Variants in RAVER2 observed in about 807,000 individuals in gnomAD.
RAVER2 encodes the protein ribonucleoprotein, PTB binding 2.
RAVER2 carries 46 observed loss-of-function variants against 78.1 expected under a neutral mutation model. The observed-to-expected ratio is 0.59, with a 90% CI of 0.46 to 0.75. The LOEUF is 0.75. Ranked by LOEUF, RAVER2 falls within the 30% of genes least tolerant of loss-of-function variation. RAVER2 has a pLI of 0.00. For missense variants in RAVER2, 793 were observed against 837.5 expected, an observed-to-expected ratio of 0.95 and a Z score of 0.66; for synonymous variants, 311 against 313.3, an observed-to-expected ratio of 0.99 and a Z score of 0.08.
At chr1:64,771,296 G>T (rs954245693) in intron 2 of RAVER2, among the ~76,000 whole-genome samples, 1 of 151,820 alleles carries the variant, frequency 6.6e-6, no homozygotes, top group Non-Finnish European at 1.5e-5. Context: ...AACACAACAG[G>T]TCCACATAGA....
intron 5 of RAVER2, among the ~76,000 whole-genome samples, chr1:64,793,341 T>C (rs2100857518): frequency 6.6e-6 from 1 of 152,338 alleles, no homozygotes; most frequent in Admixed American, 6.5e-5. Flanking sequence ...AAGCTCCAAC[T>C]GCTATTAGAT....
In RAVER2 at chr1:64,805,030, C is replaced by A. The variant is rs770830063; in HGVS notation, c.1336C>A (p.Gln446Lys). 3 of 1,613,994 alleles carry A rather than the reference C, an allele frequency of 1.9e-6. No homozygotes were observed. In the South Asian group the frequency reaches 3.3e-5, roughly 18 times the overall value. Reference sequence around the variant, plus strand: ...TGGAGAGCCCCCAGCTGTGGTACTTCAGACTGCACTAGGGATAGGGTCAGT... The same window carrying A: ...TGGAGAGCCCCCAGCTGTGGTACTTAAGACTGCACTAGGGATAGGGTCAGT... Residue 446 changes from glutamine to lysine, a missense_variant, in exon 8 of 12, where the codon CAG (glutamine) becomes AAG (lysine). Coordinates refer to ENST00000294428, the Ensembl canonical transcript of RAVER2.
At chr1:64,783,850 G>C (rs911967577) in intron 4 of RAVER2, among the ~76,000 whole-genome samples, 2 of 152,192 alleles carry the variant, frequency 1.3e-5, no homozygotes, top group African/African-American at 4.8e-5. Context: ...AAACTAAAGA[G>C]CTTCTGCACA....
At chr1:64,824,342 C>T (rs1451480232) in intron 11 of RAVER2, among the ~76,000 whole-genome samples, 1 of 152,152 alleles carries the variant, frequency 6.6e-6, no homozygotes, top group African/African-American at 2.4e-5. Context: ...AATGCTTGGT[C>T]CTTTCATATG....
At chr1:64,758,190 G>A (rs564328220) in intron 1 of RAVER2, among the ~76,000 whole-genome samples, 2 of 152,326 alleles carry the variant, frequency 1.3e-5, no homozygotes, top group African/African-American at 2.4e-5. Context: ...GTACATGTAA[G>A]TGTACAGTAA....
At chr1:64,776,436 C>T (rs1652467621) in intron 2 of RAVER2, among the ~76,000 whole-genome samples, 1 of 152,184 alleles carries the variant, frequency 6.6e-6, no homozygotes, top group Non-Finnish European at 1.5e-5. Flanking sequence ...TGGTGAGATG[C>T]TCTTACTCTG....
chr1:64,820,663 A>T (rs1653863622), intron 11 of RAVER2, among the ~76,000 whole-genome samples: 1 of 152,124 alleles, frequency 6.6e-6, no homozygotes, highest in Admixed American at 6.5e-5. Context: ...AACACGCGGT[A>T]TTTGGTTTTC....
At chr1:64,749,257 C>CT (rs1651628670) in intron 1 of RAVER2, among the ~76,000 whole-genome samples, 1 of 152,190 alleles carries the variant, frequency 6.6e-6, no homozygotes, top group South Asian at 2.1e-4. Flanking sequence ...GTCGCCCAGG[C>CT]TGCAGTGCAG....
chr1:64,806,498 G>A lies in RAVER2; in HGVS notation c.1412-708G>A, dbSNP rs145289090. On this transcript the variant is annotated intron_variant, in intron 8 of 11. Transcript: ENST00000294428. ...AAAACATAAAACTTTCATGTATTTA[G>A]TGCTTATCTATTAACAAATACTGAT... Among the ~76,000 whole-genome samples, 34 of 152,270 alleles carry A rather than the reference G, an allele frequency of 2.2e-4. 1 individual carries two copies. The highest frequency in any genetic ancestry group is 7.9e-4 in the African/African-American group (33 of 41,546).
chr1:64,786,567 G>A (rs1652785467), intron 4 of RAVER2, among the ~76,000 whole-genome samples: 1 of 152,108 alleles, frequency 6.6e-6, no homozygotes, highest in African/African-American at 2.4e-5. Context: ...GAGGCAGGTG[G>A]ATCACCTGAG....
Position 64,745,640 on chromosome 1 carries a change from G to C in RAVER2, c.249+219G>C, listed in dbSNP as rs1030064147. The stretch of plus-strand genomic sequence containing the variant: ...TTGGGAAACTGAGGCTCTGAGTGGC[G>C]AAGCGGCTTCTCCAAGGTCACGGGA... On this transcript the variant is annotated intron_variant, in intron 1 of 11. Coordinates refer to ENST00000294428, the Ensembl canonical transcript of RAVER2. This position sits in a 1 kb window ranked among gnomAD's most constrained non-coding sequence, Gnocchi z 4.3. Among the ~76,000 whole-genome samples, 8 of 152,150 alleles carry C rather than the reference G, an allele frequency of 5.3e-5. No homozygotes were observed. Among genetic ancestry groups the C allele is most frequent in the African/African-American group, 1.7e-4 (7 of 41,432 alleles).
At chr1:64,820,755 A>G (rs1285131391) in intron 11 of RAVER2, among the ~76,000 whole-genome samples, 1 of 152,212 alleles carries the variant, frequency 6.6e-6, no homozygotes, top group Non-Finnish European at 1.5e-5. Context: ...GTTCTTTTTT[A>G]TGGCTGCATA....
intron 2 of RAVER2, among the ~76,000 whole-genome samples, chr1:64,773,941 G>A (rs921393036): frequency 2.6e-5 from 4 of 152,164 alleles, no homozygotes; most frequent in African/African-American, 9.7e-5. Flanking sequence ...GTGATGATGA[G>A]CATTTTTTCA....
intron 1 of RAVER2, among the ~76,000 whole-genome samples, chr1:64,751,202 G>C (rs1651688532): frequency 6.6e-6 from 1 of 152,226 alleles, no homozygotes; most frequent in African/African-American, 2.4e-5. Context: ...CACATAGAAA[G>C]AATATAGTAG....
At chr1:64,803,611 CAA>C (rs1239043486) in intron 6 of RAVER2, among the ~76,000 whole-genome samples, 1 of 152,058 alleles carries the variant, frequency 6.6e-6, no homozygotes. Context: ...ACAAATCAAA[CAA>C]TATATAATCG....
intron 1 of RAVER2, among the ~76,000 whole-genome samples, chr1:64,747,735 A>G (rs1651582414): frequency 6.6e-6 from 1 of 152,094 alleles, no homozygotes; most frequent in African/African-American, 2.4e-5. Flanking sequence ...GCCGGTCTTG[A>G]ACTCCTGACC....
rs113820443 is a variant in RAVER2 at position 64,832,307 on chromosome 1, T to TTGA, written c.*1324_*1326dup. On this transcript the variant is annotated 3_prime_UTR_variant, in exon 12 of 12. Transcript: ENST00000294428. Reference sequence around the variant, plus strand: ...CTCTCTGCTTTCTCTCTCACTCTTTTTGATAGTGTGTTAGGGTGAAAAATC... The same window carrying TTGA: ...CTCTCTGCTTTCTCTCTCACTCTTTTTGATGATAGTGTGTTAGGGTGAAAAATC... 660 of 152,768 alleles carry TTGA rather than the reference T, an allele frequency of 4.3e-3. 8 individuals are homozygous for TTGA. Among genetic ancestry groups the TTGA allele is most frequent in the African/African-American group, 0.015 (610 of 41,580 alleles). The allele number at this position is 152,768 out of a possible 1,614,324, so 9.5% of individuals were successfully genotyped here. A position where few individuals can be genotyped will look rare whatever the true frequency, so the allele number is the denominator to read the frequency against.
chr1:64,813,648 T>C (rs531836471), intron 10 of RAVER2, among the ~76,000 whole-genome samples: 2 of 152,264 alleles, frequency 1.3e-5, no homozygotes, highest in East Asian at 3.9e-4. Context: ...ATCCTCTGTA[T>C]TTTATGAAAT....
chr1:64,790,562 A>G (rs568257486), intron 5 of RAVER2, among the ~76,000 whole-genome samples: 31 of 152,346 alleles, frequency 2.0e-4, no homozygotes, highest in African/African-American at 6.5e-4. Flanking sequence ...CCAACTTAAT[A>G]GGGAAAAACA....
Sources: allele counts gnomAD v4.1 joint callset (sites outside exome capture counted in the v4.1 genomes callset), GRCh38; gene constraint gnomAD v4.1.1; non-coding constraint Gnocchi (gnomAD v3.1); transcripts MANE v1.5; gene names NCBI Gene and HGNC (gene_info 2026-07-23, HGNC 2026-07-21).